SOX13: variants seen among roughly 807,000 people sequenced by gnomAD.
SOX13 encodes transcription factor SOX-13.
In SOX13, 28 loss-of-function variants were observed where a neutral mutation model predicts 71.8. That is an observed-to-expected ratio of 0.39 (90% CI 0.29 to 0.53). The LOEUF is 0.53. Ranked by LOEUF, SOX13 falls within the 20% of genes least tolerant of loss-of-function variation. The pLI, the probability that SOX13 is intolerant of heterozygous loss-of-function variation, is 0.70. For synonymous variants in SOX13, 309 were observed against 317.8 expected (o/e 0.97, Z 0.29); for missense variants, 627 against 810.3 (o/e 0.77, Z 2.75).
At chr1:204,117,547 G>A (rs1262296060) in intron 6 of SOX13, 46 bp from the exon 7 acceptor site, 43 of 1,257,390 alleles carry the variant, frequency 3.4e-5, no homozygotes, top group Non-Finnish European at 4.9e-5. Flanking sequence ...TAGCTGGGTA[G>A]CTCTTTGGGT....
At chr1:204,087,068 C>T (rs535585356) in intron 1 of SOX13, among the ~76,000 whole-genome samples, 2 of 152,168 alleles carry the variant, frequency 1.3e-5, no homozygotes, top group Non-Finnish European at 2.9e-5. Context: ...GGACTACAGG[C>T]ACCCACCACC....
chr1:204,084,181 G>T (rs781470246), intron 1 of SOX13, among the ~76,000 whole-genome samples: 1 of 152,174 alleles, frequency 6.6e-6, no homozygotes, highest in Non-Finnish European at 1.5e-5. Flanking sequence ...GTGCAAGCAC[G>T]GGGCAGCATG....
At chr1:204,105,889 G>A (rs1656460784) in intron 1 of SOX13, among the ~76,000 whole-genome samples, 1 of 152,150 alleles carries the variant, frequency 6.6e-6, no homozygotes, top group African/African-American at 2.4e-5. Context: ...CAGTACCAAG[G>A]CATCAGACTA....
At chr1:204,082,780 C>A (rs1026068461) in intron 1 of SOX13, among the ~76,000 whole-genome samples, 1 of 152,174 alleles carries the variant, frequency 6.6e-6, no homozygotes, top group Non-Finnish European at 1.5e-5. Context: ...TGTGTCAAAT[C>A]TTGACTTGGG....
chr1:204,122,037 C>T lies in SOX13; in HGVS notation c.861+52C>T, dbSNP rs114792458. ...GGCTCCCTCTCGAGCTTATGACGGCCGGCTGCCGTGTTAGGGAACTGCGGG... is the reference window on the plus strand; with the variant it reads ...GGCTCCCTCTCGAGCTTATGACGGCTGGCTGCCGTGTTAGGGAACTGCGGG... On this transcript the variant is annotated intron_variant, in intron 8 of 13. Transcript: ENST00000367204. The T allele has an allele frequency of 9.7e-3, 13,077 of 1,348,650 alleles. 179 individuals are homozygous for T. The highest frequency in any genetic ancestry group is 0.042 in the South Asian group (3,443 of 81,404). 83.5% of individuals were successfully genotyped at this position (1,348,650 alleles called of 1,614,324 possible).
chr1:204,116,170 A>T, intron 4 of SOX13: 1 of 1,267,160 alleles, frequency 7.9e-7, no homozygotes, highest in South Asian at 1.4e-5. Context: ...CTCCGATGGG[A>T]TGGTTGTCCA....
In SOX13 at chr1:204,123,710, C is replaced by T; in HGVS notation, c.1281C>T (p.Pro427=). 1 of 1,614,186 alleles carries T rather than the reference C, an allele frequency of 6.2e-7. No homozygotes were observed. Among genetic ancestry groups the T allele is most frequent in the African/African-American group, 1.3e-5 (1 of 75,066 alleles). The change falls in exon 12 of 14, where the codon CCC becomes CCT. Residue 427 remains proline (P), a synonymous_variant. Coordinates refer to ENST00000367204, the MANE Select transcript of SOX13 (RefSeq NM_005686.3). The surrounding 1 kb of genome is among the most constrained non-coding windows in gnomAD (Gnocchi z 5.0). The part of the protein sequence containing the change: ...ESRNSSHIKR[P]MNAFMVWAKD... ...GAAACAGCAGCCACATCAAGAGGCC[C>T]ATGAACGCCTTCATGGTGTGGGCCA...
intron 1 of SOX13, among the ~76,000 whole-genome samples, chr1:204,087,074 C>T (rs1656038114): frequency 6.6e-6 from 1 of 152,198 alleles, no homozygotes; most frequent in Non-Finnish European, 1.5e-5. Flanking sequence ...CAGGCACCCA[C>T]CACCAGGCCC....
intron 1 of SOX13, among the ~76,000 whole-genome samples, chr1:204,112,167 G>A (rs1208654775): frequency 3.3e-5 from 5 of 152,156 alleles, no homozygotes; most frequent in Admixed American, 6.5e-5. Context: ...TAGGCTGGGC[G>A]TGGTGGCTTA....
In SOX13 at chr1:204,121,989, C is replaced by A. The variant is rs367940145; in HGVS notation, c.861+4C>A. ...GGCCACCCACCACCCCCTGCAGGTA[C>A]CGCCCTCTACCCACTGGCCTGGGGC... On this transcript the variant is annotated splice_donor_region_variant and intron_variant, in intron 8 of 13. Transcript: ENST00000367204. The A allele has an allele frequency of 5.7e-6, 9 of 1,592,144 alleles. 1 individual carries two copies. The highest frequency in any genetic ancestry group is 7.7e-6 in the Non-Finnish European group (9 of 1,161,308).
At chr1:204,115,657 C>CTTTTTTTTTTTT (rs771014997) in intron 4 of SOX13, among the ~76,000 whole-genome samples, 7 of 57,380 alleles carry the variant, frequency 1.2e-4, no homozygotes, top group Non-Finnish European at 2.1e-4. Flanking sequence ...GCTTCTTCTT[C>CTTTTTTTTTTTT]TTTTTTTTTT....
intron 1 of SOX13, among the ~76,000 whole-genome samples, chr1:204,099,672 C>T (rs943136031): frequency 6.6e-6 from 1 of 152,058 alleles, no homozygotes; most frequent in Non-Finnish European, 1.5e-5. Context: ...TTCGGCCTCC[C>T]AAAGTGCTGG....
chr1:204,115,646 C>T (rs1022417132), intron 4 of SOX13, among the ~76,000 whole-genome samples: 12 of 141,674 alleles, frequency 8.5e-5, no homozygotes, highest in African/African-American at 1.3e-4. Flanking sequence ...CATATATTAG[C>T]GCTTCTTCTT....
chr1:204,120,219 G>A (rs879322795), intron 7 of SOX13, among the ~76,000 whole-genome samples: 1 of 152,194 alleles, frequency 6.6e-6, no homozygotes, highest in Admixed American at 6.5e-5. Flanking sequence ...CAGTTAGCTG[G>A]GGGAATGGGG....
chr1:204,116,416 A>T, intron 4 of SOX13, 91 bp from the exon 5 acceptor site: 1 of 1,610,518 alleles, frequency 6.2e-7, no homozygotes, highest in East Asian at 2.2e-5. Context: ...GCAATTGCTC[A>T]ATAAGTTTCT....
In SOX13 at chr1:204,126,129, G is replaced by C. The variant is rs1216025710; in HGVS notation, c.1864G>C (p.Asp622His). Reference protein sequence around the residue: ...KSDGELVVLTD With the variant: ...KSDGELVVLTH ...CGATGGGGAGTTGGTGGTGCTCACA[G>C]ACTGATCCCGGCTGGGTGGGCCTGG... The change falls in exon 14 of 14, where the codon GAC (aspartate) becomes CAC (histidine). Residue 622 changes from aspartate to histidine, a missense_variant. By Grantham distance (81) the Asp-to-His change is moderately conservative. Coordinates refer to ENST00000367204, the MANE Select transcript of SOX13 (RefSeq NM_005686.3). 5 of 1,613,168 alleles carry C rather than the reference G, an allele frequency of 3.1e-6. No individual in the cohort carries two copies. In the South Asian group the frequency reaches 5.5e-5, roughly 18 times the overall value.
rs202236204 is a variant in SOX13, at chr1:204,121,960, C to T, written c.836C>T (p.Ala279Val). 148 of 1,609,618 alleles carry T rather than the reference C, an allele frequency of 9.2e-5. No homozygotes were observed. In the African/African-American group the frequency reaches 1.5e-3, roughly 16 times the overall value. The change falls in exon 8 of 14, where the codon GCC (alanine) becomes GTC (valine). Residue 279 changes from alanine to valine, a missense_variant. Physicochemically the swap from Ala to Val is moderately conservative, Grantham distance 64 (BLOSUM62 0). Around this residue, in one of 3 missense-constraint regions of SOX13, gnomAD observed 447 missense variants for 532.2 expected, o/e 0.84. Coordinates refer to ENST00000367204, the MANE Select transcript of SOX13 (RefSeq NM_005686.3). ...PPAPVVKRPG[A>V]MATHHPLQEP... ...GCCCCAGTGGTGAAGAGGCCTGGGG[C>T]CATGGCCACCCACCACCCCCTGCAG...
Position 204,123,623 on chromosome 1 carries a change from A to G in SOX13, c.1232-38A>G. ...GGCCCTGGGGCACTCTCCTGACCCC[A>G]GACAGGCTGCTTGGCTGACTTCACT... On this transcript the variant is annotated intron_variant, in intron 11 of 13. Transcript: ENST00000367204. This position sits in a 1 kb window ranked among gnomAD's most constrained non-coding sequence, Gnocchi z 5.0. 2 of 1,604,364 alleles carry G rather than the reference A, an allele frequency of 1.2e-6. No individual in the cohort carries two copies. The highest frequency in any genetic ancestry group is 2.2e-5 in the East Asian group (1 of 44,558).
intron 1 of SOX13, among the ~76,000 whole-genome samples, chr1:204,084,576 C>G (rs1211412015): frequency 6.6e-6 from 1 of 152,130 alleles, no homozygotes; most frequent in East Asian, 1.9e-4. Flanking sequence ...ATAAACAAGG[C>G]CGCACACAGG....
Sources: allele counts gnomAD v4.1 joint callset (sites outside exome capture counted in the v4.1 genomes callset), GRCh38; gene constraint gnomAD v4.1.1; regional missense constraint gnomAD v4.1.1; non-coding constraint Gnocchi (gnomAD v3.1); transcripts MANE v1.5; gene names NCBI Gene and HGNC (gene_info 2026-07-23, HGNC 2026-07-21).